FOXP2: variants seen among roughly 807,000 people sequenced by gnomAD.
FOXP2 encodes forkhead box protein P2.
Under a neutral mutation model 115.8 loss-of-function variants are expected in FOXP2, and 12 were observed. The ratio of observed to expected loss-of-function variants is 0.10; its 90% CI spans 0.07 to 0.17. The LOEUF is 0.17. Ranked by LOEUF, FOXP2 falls within the 10% of genes least tolerant of loss-of-function variation. FOXP2 has a pLI of 1.00. For synonymous variants in FOXP2, 328 were observed against 297.7 expected (o/e 1.10, Z -1.05); for missense variants, 629 against 843.5 (o/e 0.75, Z 3.15).
chr7:114,551,538 C>T (rs1381712871), intron 3 of FOXP2, among the ~76,000 whole-genome samples: 1 of 152,038 alleles, frequency 6.6e-6, no homozygotes, highest in Non-Finnish European at 1.5e-5. Context: ...CCTCCAGAGG[C>T]TTTGTTTGTG....
chr7:114,600,925 T>G (rs1802988336), intron 3 of FOXP2, among the ~76,000 whole-genome samples: 1 of 152,024 alleles, frequency 6.6e-6, no homozygotes. Context: ...TTTGAAAATG[T>G]TTTCTCCCAG....
chr7:114,416,122 G>A (rs1387122594), intron 1 of FOXP2, among the ~76,000 whole-genome samples: 1 of 151,848 alleles, frequency 6.6e-6, no homozygotes, highest in Non-Finnish European at 1.5e-5. Context: ...TTTTCATTCT[G>A]TCTGCTTCAA....
intron 5 of FOXP2, chr7:114,631,159 TG>T (rs1449255845): frequency 1.0e-5 from 3 of 293,138 alleles, no homozygotes; most frequent in Non-Finnish European, 2.0e-5. Context: ...CTTATTCAAT[TG>T]GAAAAAAAAA....
At chr7:114,464,775 G>A (rs1170530606) in intron 2 of FOXP2, among the ~76,000 whole-genome samples, 1 of 152,170 alleles carries the variant, frequency 6.6e-6, no homozygotes, top group Non-Finnish European at 1.5e-5. Context: ...AGTATTCATG[G>A]CTATATGGTT....
At chr7:114,149,910 G>A (rs1792485932) in intron 1 of FOXP2, among the ~76,000 whole-genome samples, 1 of 151,926 alleles carries the variant, frequency 6.6e-6, no homozygotes, top group South Asian at 2.1e-4. Context: ...TTGGTTTGAG[G>A]ACTCTTGACG....
At chr7:114,317,532 C>A (rs1797303015) in intron 2 of FOXP2, among the ~76,000 whole-genome samples, 1 of 151,372 alleles carries the variant, frequency 6.6e-6, no homozygotes, top group East Asian at 2.1e-4. Flanking sequence ...ATCTCCACAT[C>A]TGCCACCTTA....
At chr7:114,110,675 T>C (rs1791246233) in intron 1 of FOXP2, among the ~76,000 whole-genome samples, 1 of 152,176 alleles carries the variant, frequency 6.6e-6, no homozygotes, top group African/African-American at 2.4e-5. Context: ...CTTATGATTA[T>C]ACATTCAGTA....
At chr7:114,201,770 C>A (rs1386821841) in intron 1 of FOXP2, among the ~76,000 whole-genome samples, 4 of 152,118 alleles carry the variant, frequency 2.6e-5, no homozygotes, top group African/African-American at 4.8e-5. Context: ...GTATCCAGCA[C>A]TAAAATTTTT....
At chr7:114,608,009 T>C (rs544407521) in intron 3 of FOXP2, among the ~76,000 whole-genome samples, 1 of 152,334 alleles carries the variant, frequency 6.6e-6, no homozygotes, top group African/African-American at 2.4e-5. Context: ...CCCTTTTTAA[T>C]GCCAAATATT....
chr7:114,456,964 G>A (rs960454164), intron 2 of FOXP2, among the ~76,000 whole-genome samples: 2 of 151,912 alleles, frequency 1.3e-5, no homozygotes, highest in African/African-American at 4.8e-5. Context: ...TTATATATGA[G>A]ATCAAAAAAG....
chr7:114,348,853 C>T (rs1791409503), intron 2 of FOXP2, among the ~76,000 whole-genome samples: 7 of 152,060 alleles, frequency 4.6e-5, no homozygotes, highest in Admixed American at 2.6e-4. Context: ...AGCCCCAAGT[C>T]AGATCAGCCA....
At chr7:114,674,226 A>T (rs1807642874) in intron 16 of FOXP2, among the ~76,000 whole-genome samples, 1 of 152,212 alleles carries the variant, frequency 6.6e-6, no homozygotes, top group South Asian at 2.1e-4. Context: ...ATCCTGGCTT[A>T]TGATGAAAAT....
intron 2 of FOXP2, among the ~76,000 whole-genome samples, chr7:114,501,135 A>T (rs1797550353): frequency 6.6e-6 from 1 of 152,172 alleles, no homozygotes; most frequent in Admixed American, 6.5e-5. Flanking sequence ...ACCCAACAGA[A>T]CTACAGATGC....
chr7:114,406,915 A>G (rs554233425), intron 2 of FOXP2, among the ~76,000 whole-genome samples: 1 of 152,018 alleles, frequency 6.6e-6, no homozygotes, highest in African/African-American at 2.4e-5. Context: ...ACAAAATTAG[A>G]AGTAAAGTTG....
chr7:114,500,429 G>T (rs1217942367), intron 2 of FOXP2, among the ~76,000 whole-genome samples: 1 of 151,450 alleles, frequency 6.6e-6, no homozygotes, highest in Non-Finnish European at 1.5e-5. Flanking sequence ...ATTTAAAATT[G>T]TATATTTACT....
intron 1 of FOXP2, among the ~76,000 whole-genome samples, chr7:114,254,199 C>T (rs571016766): frequency 4.2e-4 from 64 of 152,280 alleles, no homozygotes; most frequent in African/African-American, 1.4e-3. Context: ...GTGGGTAACC[C>T]GACCTTTCTC....
At chr7:114,481,636 C>T (rs2129237679) in intron 2 of FOXP2, among the ~76,000 whole-genome samples, 1 of 151,420 alleles carries the variant, frequency 6.6e-6, no homozygotes, top group East Asian at 1.9e-4. Flanking sequence ...CACTTAGAGT[C>T]CTGCTTCTCT....
chr7:114,376,586 A>T lies in FOXP2; in HGVS notation c.-10-49916A>T, dbSNP rs1792142287. The stretch of plus-strand genomic sequence containing the variant: ...GATTTTTTTCACACCTGGAGAGCTA[A>T]ACCTTTCCTGAGAGAGGTAGACTTC... On this transcript the variant is annotated intron_variant, in intron 2 of 17. Transcript: ENST00000634411. 2.0e-5 allele frequency among the ~76,000 whole-genome samples: 3 copies of T among 152,162 alleles called. No individual in the cohort carries two copies. The South Asian group carries it at 6.2e-4, about 31-fold the overall frequency.
chr7:114,328,403 A>T (rs1490399605), intron 2 of FOXP2, among the ~76,000 whole-genome samples: 4 of 151,398 alleles, frequency 2.6e-5, no homozygotes, highest in East Asian at 3.9e-4. Context: ...CGCCCGGCAA[A>T]TTTTTTGTAT....
Sources: gnomAD v4.1 joint callset for allele counts (sites outside exome capture counted in the v4.1 genomes callset) on GRCh38, gnomAD v4.1.1 for gene constraint, MANE v1.5 for transcripts, NCBI Gene and HGNC (gene_info 2026-07-23, HGNC 2026-07-21) for gene names.